Variants in PTCHD4 observed in about 807,000 individuals in gnomAD.
The protein encoded by PTCHD4 is patched domain-containing protein 4.
A neutral mutation model predicts 58.1 loss-of-function variants in PTCHD4; 33 were observed. The ratio of observed to expected loss-of-function variants is 0.57; its 90% CI spans 0.43 to 0.76. The LOEUF (loss-of-function observed/expected upper bound fraction) is 0.76. PTCHD4 is among the 30% of genes least tolerant of loss of function. PTCHD4 has a pLI of 0.00. For synonymous variants in PTCHD4, 478 were observed against 409.6 expected (o/e 1.17, Z -2.02); for missense variants, 1,058 against 1,027.1 (o/e 1.03, Z -0.41).
In PTCHD4 at chr6:47,863,656, C is replaced by T. The variant is rs1420625133; in HGVS notation, c.*14647G>A. ...AAATTCAAACTTAACTCATGTCCTACATGAATCTAGTTCTAGTATAGAGTG... is the reference window on the plus strand; with the variant it reads ...AAATTCAAACTTAACTCATGTCCTATATGAATCTAGTTCTAGTATAGAGTG... On this transcript the variant is annotated 3_prime_UTR_variant, in exon 5 of 5. Transcript: ENST00000339488. Among the ~76,000 whole-genome samples the T allele has an allele frequency of 6.6e-6, 1 of 151,980 alleles. No individual in the cohort carries two copies. The highest frequency in any genetic ancestry group is 2.4e-5 in the African/African-American group (1 of 41,406).
Position 48,069,696 on chromosome 6 carries a change from A to G in PTCHD4, c.-739T>C, listed in dbSNP as rs1269156388. ...TGCGTGTGCGTGTGTGTGTATTGAA[A>G]GTGAAGATCTACAGGCAATATGAGG... On this transcript the variant is annotated 5_prime_UTR_variant, in exon 2 of 5. Transcript: ENST00000339488. Among the ~76,000 whole-genome samples the G allele has an allele frequency of 6.6e-6, 1 of 152,126 alleles. No individual in the cohort carries two copies. The highest frequency in any genetic ancestry group is 1.5e-5 in the Non-Finnish European group (1 of 68,032).
intron 4 of PTCHD4, among the ~76,000 whole-genome samples, chr6:48,008,220 A>T (rs1180138107): frequency 6.6e-6 from 1 of 152,166 alleles, no homozygotes; most frequent in Non-Finnish European, 1.5e-5. Flanking sequence ...AGGACACATC[A>T]TTGGTCCTCA....
intron 4 of PTCHD4, among the ~76,000 whole-genome samples, chr6:47,889,447 A>T (rs1232085600): frequency 3.0e-4 from 45 of 151,286 alleles, no homozygotes; most frequent in Non-Finnish European, 5.6e-4. Flanking sequence ...TTGGCTGCAT[A>T]AATGTCTTCT....
chr6:48,031,666 G>T (rs1763446744), intron 3 of PTCHD4, among the ~76,000 whole-genome samples: 1 of 152,050 alleles, frequency 6.6e-6, no homozygotes, highest in African/African-American at 2.4e-5. Context: ...AAACAGTACT[G>T]CAAAATAGTA....
At chr6:47,891,748 C>T (rs753212303) in intron 4 of PTCHD4, among the ~76,000 whole-genome samples, 4 of 151,734 alleles carry the variant, frequency 2.6e-5, no homozygotes, top group East Asian at 1.9e-4. Flanking sequence ...CCATGGTCCC[C>T]GATGGCGTGG....
At chr6:48,017,394 A>G (rs1762903834) in intron 3 of PTCHD4, among the ~76,000 whole-genome samples, 1 of 152,206 alleles carries the variant, frequency 6.6e-6, no homozygotes, top group Non-Finnish European at 1.5e-5. Context: ...ATTTTGTCAC[A>G]TTAGTAAGCT....
intron 4 of PTCHD4, among the ~76,000 whole-genome samples, chr6:47,936,970 G>T (rs928398882): frequency 6.6e-6 from 1 of 152,178 alleles, no homozygotes; most frequent in Non-Finnish European, 1.5e-5. Flanking sequence ...AACAGCTAAT[G>T]TGAAGGCTGC....
chr6:47,949,580 G>T (rs538912500), intron 4 of PTCHD4, among the ~76,000 whole-genome samples: 1 of 152,236 alleles, frequency 6.6e-6, no homozygotes, highest in South Asian at 2.1e-4. Flanking sequence ...TTGAGGGGTT[G>T]CTATGGCTGT....
Position 47,866,717 on chromosome 6 carries a change from T to C in PTCHD4, c.*11586A>G, listed in dbSNP as rs1036138758. Among the ~76,000 whole-genome samples the C allele has an allele frequency of 1.6e-4, 25 of 151,896 alleles. No homozygotes were observed. The highest frequency in any genetic ancestry group is 5.8e-4 in the African/African-American group (24 of 41,414). ...TTGCTGGTTTTGGGGAGCACCACTA[T>C]TATAATTAAAACTTTAACTATTAAA... On this transcript the variant is annotated 3_prime_UTR_variant, in exon 5 of 5. Transcript: ENST00000339488.
At chr6:47,934,243 G>A (rs1280357289) in intron 4 of PTCHD4, among the ~76,000 whole-genome samples, 1 of 152,078 alleles carries the variant, frequency 6.6e-6, no homozygotes, top group African/African-American at 2.4e-5. Context: ...GGCGGGAAGT[G>A]CTCTCCAGGG....
At chr6:47,976,672 A>G (rs1767703313) in intron 4 of PTCHD4, among the ~76,000 whole-genome samples, 1 of 150,018 alleles carries the variant, frequency 6.7e-6, no homozygotes, top group Admixed American at 6.6e-5. Flanking sequence ...ATAAATAAAT[A>G]AATAAATAAA....
chr6:47,875,745 G>C lies in PTCHD4; in HGVS notation c.*2558C>G, dbSNP rs1416517959. ...GAGACATAATATTAGATCTGCCCTG[G>C]TCATTTGGCAGTGTATACCATTTCC... On this transcript the variant is annotated 3_prime_UTR_variant, in exon 5 of 5. Coordinates refer to ENST00000339488, the MANE Select transcript of PTCHD4 (RefSeq NM_001384253.1). Among the ~76,000 whole-genome samples the C allele has an allele frequency of 6.6e-6, 1 of 151,670 alleles. No homozygotes were observed. Among genetic ancestry groups the C allele is most frequent in the Non-Finnish European group, 1.5e-5 (1 of 67,860 alleles).
At chr6:48,024,919 T>C (rs1763190459) in intron 3 of PTCHD4, among the ~76,000 whole-genome samples, 1 of 152,136 alleles carries the variant, frequency 6.6e-6, no homozygotes, top group Admixed American at 6.6e-5. Context: ...ATACATAAAA[T>C]GGTAGTATGC....
intron 4 of PTCHD4, among the ~76,000 whole-genome samples, chr6:47,886,517 A>G (rs1764198950): frequency 6.6e-6 from 1 of 152,202 alleles, no homozygotes; most frequent in African/African-American, 2.4e-5. Flanking sequence ...GACCTGTTCC[A>G]AAGAAAGCTT....
intron 4 of PTCHD4, among the ~76,000 whole-genome samples, chr6:47,948,719 A>G (rs1035948663): frequency 6.6e-6 from 1 of 152,044 alleles, no homozygotes; most frequent in Non-Finnish European, 1.5e-5. Context: ...AGCCTATAAG[A>G]TCTTTTAACA....
chr6:48,066,393 A>G (rs1168158609), intron 3 of PTCHD4, among the ~76,000 whole-genome samples: 1 of 152,208 alleles, frequency 6.6e-6, no homozygotes, highest in Non-Finnish European at 1.5e-5. Context: ...GCACTAGAGG[A>G]CCCAACCAAT....
intron 1 of PTCHD4, among the ~76,000 whole-genome samples, chr6:48,083,901 G>A (rs988581186): frequency 1.3e-5 from 2 of 152,138 alleles, no homozygotes; most frequent in East Asian, 3.9e-4. Flanking sequence ...TTAATACCTT[G>A]ATTTTCGTCT....
At chr6:48,010,445 T>C (rs1762625519) in intron 3 of PTCHD4, among the ~76,000 whole-genome samples, 1 of 152,156 alleles carries the variant, frequency 6.6e-6, no homozygotes, top group South Asian at 2.1e-4. Context: ...GACACTTATA[T>C]CTAAGGCACT....
intron 3 of PTCHD4, among the ~76,000 whole-genome samples, chr6:48,060,474 G>A (rs554119587): frequency 5.9e-5 from 9 of 152,196 alleles, no homozygotes; most frequent in Middle Eastern, 6.8e-3. Flanking sequence ...TCTGTCTTCA[G>A]TCTTTTTGTT....
Sources: gnomAD v4.1 joint callset for allele counts (sites outside exome capture counted in the v4.1 genomes callset) on GRCh38, gnomAD v4.1.1 for gene constraint, MANE v1.5 for transcripts, NCBI Gene and HGNC (gene_info 2026-07-23, HGNC 2026-07-21) for gene names.